Variants in GARIN1A observed in about 807,000 individuals in gnomAD.
The protein encoded by GARIN1A is golgi associated RAB2 interactor 1A, also known as Golgi-associated RAB2 interactor protein 1A.
At chr7:128,687,703 G>T in the GARIN1A span, 1 of 152,226 alleles carries the variant, frequency 6.6e-6, no homozygotes, top group Non-Finnish European at 1.5e-5. Flanking sequence ...GTCTCTGGAG[G>T]AGGAGACAGG....
the GARIN1A span, among the ~76,000 whole-genome samples, chr7:128,691,905 C>T: frequency 1.1e-4 from 16 of 152,168 alleles, no homozygotes; most frequent in South Asian, 2.1e-4. Flanking sequence ...TAGCTTGATG[C>T]CCCCTTCCTG....
At chr7:128,686,838 T>C in the GARIN1A span, 5 of 151,772 alleles carry the variant, frequency 3.3e-5, no homozygotes, top group Admixed American at 3.3e-4. Flanking sequence ...ATCACTCCAC[T>C]GCGCTCTAGC....
At chr7:128,702,354 G>C in the GARIN1A span, among the ~76,000 whole-genome samples, 1 of 152,140 alleles carries the variant, frequency 6.6e-6, no homozygotes, top group East Asian at 1.9e-4. Flanking sequence ...AAAGTAAACT[G>C]TATGACAACA....
At chr7:128,677,650 A>G in the GARIN1A span, 8 of 1,613,710 alleles carry the variant, frequency 5.0e-6, no homozygotes, top group African/African-American at 2.7e-5. Context: ...GAAAAGATCT[A>G]CTATCTGAAG....
At chr7:128,681,411 G>GTTTC in the GARIN1A span, among the ~76,000 whole-genome samples, 2 of 144,726 alleles carry the variant, frequency 1.4e-5, no homozygotes, top group African/African-American at 5.1e-5. Flanking sequence ...TCTTTCTCTC[G>GTTTC]TTTCTTTCTT....
chr7:128,682,913 C>T, the GARIN1A span: 1 of 1,382,846 alleles, frequency 7.2e-7, no homozygotes, highest in Non-Finnish European at 9.8e-7. Flanking sequence ...ACAATGTTTT[C>T]TTTTTCTTCT....
the GARIN1A span, among the ~76,000 whole-genome samples, chr7:128,698,005 G>T: frequency 2.4e-4 from 36 of 152,246 alleles, no homozygotes; most frequent in African/African-American, 7.9e-4. Flanking sequence ...GAATGAAGTC[G>T]TGCACAAGCA....
At chr7:128,691,603 A>G in the GARIN1A span, 1 of 152,226 alleles carries the variant, frequency 6.6e-6, no homozygotes, top group Non-Finnish European at 1.5e-5. Context: ...ACCCACCAAC[A>G]CTAAGATGGT....
chr7:128,703,226 T>C, the GARIN1A span, among the ~76,000 whole-genome samples: 1 of 152,240 alleles, frequency 6.6e-6, no homozygotes, highest in Non-Finnish European at 1.5e-5. Flanking sequence ...TGCTATTCAA[T>C]AGTAGTACAA....
the GARIN1A span, among the ~76,000 whole-genome samples, chr7:128,673,538 C>T: frequency 1.2e-4 from 18 of 152,186 alleles, no homozygotes; most frequent in Non-Finnish European, 1.0e-4. Context: ...GGCTGGAATG[C>T]AAGGTCTGCA....
the GARIN1A span, chr7:128,686,623 C>T: frequency 6.6e-6 from 1 of 152,232 alleles, no homozygotes; most frequent in Non-Finnish European, 1.5e-5. Flanking sequence ...TACCTGTAAT[C>T]CCAGCACTTT....
chr7:128,672,281 AG>A, the GARIN1A span: 1 of 838,074 alleles, frequency 1.2e-6, no homozygotes, highest in Non-Finnish European at 1.8e-6. Context: ...ACAGCCCGTA[AG>A]TAAATGGGGA....
the GARIN1A span, among the ~76,000 whole-genome samples, chr7:128,692,379 C>A: frequency 6.6e-6 from 1 of 152,192 alleles, no homozygotes; most frequent in Admixed American, 6.5e-5. Context: ...AAACAACAGC[C>A]CTTGCTGACT....
chr7:128,707,193 C>CTAT, the GARIN1A span, among the ~76,000 whole-genome samples: 12 of 144,276 alleles, frequency 8.3e-5, no homozygotes, highest in Admixed American at 7.1e-4. Context: ...TCCTTCTGCC[C>CTAT]TATTATTATT....
chr7:128,706,959 G>T, the GARIN1A span, among the ~76,000 whole-genome samples: 1 of 152,102 alleles, frequency 6.6e-6, no homozygotes, highest in Non-Finnish European at 1.5e-5. Context: ...AGATCCTGGG[G>T]TGATGAGGAC....
At chr7:128,683,181 T>A in the GARIN1A span, 1 of 1,572,898 alleles carries the variant, frequency 6.4e-7, no homozygotes, top group Non-Finnish European at 8.7e-7. Flanking sequence ...AACATGCTCT[T>A]CCTTGCATAC....
chr7:128,675,031 A>T, the GARIN1A span, among the ~76,000 whole-genome samples: 41,072 of 152,028 alleles, frequency 0.27, 5,919 homozygotes, highest in East Asian at 0.54. Context: ...TGTGGCTCCT[A>T]AGTGGCCACA....
At chr7:128,677,465 C>T in the GARIN1A span, 1 of 1,311,516 alleles carries the variant, frequency 7.6e-7, no homozygotes. Context: ...CGAGATCGCG[C>T]CACTGCACTC....
At chr7:128,681,270 C>T in the GARIN1A span, among the ~76,000 whole-genome samples, 1 of 152,170 alleles carries the variant, frequency 6.6e-6, no homozygotes, top group East Asian at 1.9e-4. Context: ...ATCTTCTTAC[C>T]CTCAGTCTGG....
Sources: allele counts gnomAD v4.1 joint callset (sites outside exome capture counted in the v4.1 genomes callset), GRCh38; gene constraint gnomAD v4.1.1; transcripts MANE v1.5; gene names NCBI Gene and HGNC (gene_info 2026-07-23, HGNC 2026-07-21).